The following PCDHA12 variants were observed in gnomAD, a reference collection of about 807,000 sequenced individuals.
PCDHA12 encodes protocadherin alpha-12.
Under a neutral mutation model 60.0 loss-of-function variants are expected in PCDHA12, and 44 were observed. That is an observed-to-expected ratio of 0.73 (90% CI 0.58 to 0.94). PCDHA12 has a LOEUF of 0.94. Among genes scored for constraint, PCDHA12 ranks in the 40% least tolerant of loss-of-function variants. The probability of loss-of-function intolerance (pLI) is 0.00; values close to 1 mark genes in which losing one functional copy is unlikely to be tolerated. For missense variants in PCDHA12, 1,276 were observed against 1,239.7 expected, an observed-to-expected ratio of 1.03 and a Z score of -0.44; for synonymous variants, 569 against 553.0, an observed-to-expected ratio of 1.03 and a Z score of -0.40.
intron 1 of PCDHA12, chr5:140,968,442 T>G (rs1245424149): frequency 3.1e-6 from 5 of 1,613,950 alleles, no homozygotes; most frequent in Non-Finnish European, 4.2e-6. Context: ...AGCCCACCAC[T>G]GAGCAGCACT....
chr5:140,953,476 G>A (rs1554220931), intron 1 of PCDHA12, among the ~76,000 whole-genome samples: 2 of 152,088 alleles, frequency 1.3e-5, no homozygotes. Flanking sequence ...ACTTCCTCAT[G>A]CTGTGTCACA....
intron 3 of PCDHA12, among the ~76,000 whole-genome samples, chr5:140,987,520 G>T (rs1221115195): frequency 2.0e-5 from 3 of 152,106 alleles, no homozygotes; most frequent in Non-Finnish European, 4.4e-5. Context: ...CTCAGTAATT[G>T]TATGTTCCTG....
At chr5:140,966,528 G>C in intron 1 of PCDHA12, 1 of 446,634 alleles carries the variant, frequency 2.2e-6, no homozygotes, top group Non-Finnish European at 3.9e-6. Context: ...AGCCGAGCCG[G>C]GTTGAGCGAC....
chr5:140,981,861 A>G (rs1554243465), intron 2 of PCDHA12, among the ~76,000 whole-genome samples: 1 of 152,126 alleles, frequency 6.6e-6, no homozygotes, highest in Non-Finnish European at 1.5e-5. Context: ...ACTCCCAGCA[A>G]TGTTTTATGC....
chr5:140,917,324 C>CGGGGGGG (rs1299895515), intron 1 of PCDHA12, among the ~76,000 whole-genome samples: 2 of 76,152 alleles, frequency 2.6e-5, no homozygotes, highest in African/African-American at 4.3e-5. Flanking sequence ...GTTCATGTGG[C>CGGGGGGG]GGGGGAGGGG....
intron 1 of PCDHA12, among the ~76,000 whole-genome samples, chr5:140,934,191 C>T (rs563342404): frequency 6.6e-6 from 1 of 152,224 alleles, no homozygotes; most frequent in African/African-American, 2.4e-5. Flanking sequence ...ACATACTTTT[C>T]ATTTCTATTT....
chr5:140,875,339 T>C lies in PCDHA12; in HGVS notation c.-134T>C. ...CAATCATTCACGGAATAGGATCGAC[T>C]CCATAATGACTGTGATGCTGGAAAA... On this transcript the variant is annotated 5_prime_UTR_variant, in exon 1 of 4. Transcript: ENST00000398631. 1.4e-6 allele frequency: 2 copies of C among 1,441,270 alleles called. No individual in the cohort carries two copies. Among genetic ancestry groups the C allele is most frequent in the Non-Finnish European group, 1.8e-6 (2 of 1,100,910 alleles). The allele number at this position is 1,441,270 out of a possible 1,614,324, so 89.3% of individuals were successfully genotyped here. A position where few individuals can be genotyped will look rare whatever the true frequency, so the allele number is the denominator to read the frequency against.
At chr5:140,995,510 G>A (rs1554254709) in intron 3 of PCDHA12, among the ~76,000 whole-genome samples, 1 of 152,142 alleles carries the variant, frequency 6.6e-6, no homozygotes, top group African/African-American at 2.4e-5. Flanking sequence ...GTGGGTAACT[G>A]AAGCCTCAGA....
intron 1 of PCDHA12, among the ~76,000 whole-genome samples, chr5:140,936,295 C>T (rs1482125698): frequency 1.3e-5 from 2 of 152,182 alleles, no homozygotes; most frequent in African/African-American, 4.8e-5. Context: ...TATAACATTG[C>T]TATCCAATAG....
chr5:140,901,249 C>T (rs1554189685), intron 1 of PCDHA12, among the ~76,000 whole-genome samples: 1 of 151,994 alleles, frequency 6.6e-6, no homozygotes, highest in Admixed American at 6.6e-5. Flanking sequence ...TCCTTTGGTT[C>T]CCTGTGATTG....
intron 1 of PCDHA12, chr5:140,967,882 C>T (rs1323816592): frequency 1.2e-6 from 2 of 1,614,108 alleles, no homozygotes. Context: ...ACCTGTATAG[C>T]CCAGTGCCTG....
intron 1 of PCDHA12, 129 bp downstream of exon 1, chr5:140,877,968 C>A: frequency 7.9e-7 from 1 of 1,272,970 alleles, no homozygotes; most frequent in Non-Finnish European, 1.0e-6. Context: ...CTTTCTTGGT[C>A]ATTCTTACTC....
intron 1 of PCDHA12, among the ~76,000 whole-genome samples, chr5:140,955,667 T>C (rs1485421057): frequency 6.6e-6 from 1 of 152,188 alleles, no homozygotes; most frequent in Admixed American, 6.5e-5. Flanking sequence ...AATTTTAACA[T>C]AGTTTTTTCG....
At chr5:140,921,134 C>G (rs2080042608) in intron 1 of PCDHA12, among the ~76,000 whole-genome samples, 1 of 111,400 alleles carries the variant, frequency 9.0e-6, no homozygotes, top group African/African-American at 3.7e-5. Flanking sequence ...GTGCACACCA[C>G]TACACCCAGC....
At chr5:140,981,207 T>C (rs1163326728) in intron 2 of PCDHA12, among the ~76,000 whole-genome samples, 1 of 152,230 alleles carries the variant, frequency 6.6e-6, no homozygotes, top group Non-Finnish European at 1.5e-5. Context: ...TTGCCTCATA[T>C]AACCCCTTTA....
At chr5:141,003,982 G>A (rs914206731) in intron 3 of PCDHA12, among the ~76,000 whole-genome samples, 25 of 152,152 alleles carry the variant, frequency 1.6e-4, no homozygotes, top group African/African-American at 5.6e-4. Flanking sequence ...GGGACTTGCC[G>A]GAGATCCTAG....
At chr5:140,883,244 G>C in intron 1 of PCDHA12, 3 of 1,614,014 alleles carry the variant, frequency 1.9e-6, no homozygotes, top group Non-Finnish European at 2.5e-6. Context: ...AGTTGACAAA[G>C]GAAATATTCC....
intron 1 of PCDHA12, among the ~76,000 whole-genome samples, chr5:140,895,524 G>A (rs891938988): frequency 2.3e-4 from 35 of 152,128 alleles, no homozygotes; most frequent in African/African-American, 7.2e-4. Context: ...TGGTTTATTC[G>A]TTTTTCAATT....
At chr5:141,001,314 T>A (rs34374778) in intron 3 of PCDHA12, among the ~76,000 whole-genome samples, 7,675 of 152,288 alleles carry the variant, frequency 0.05, 243 homozygotes, top group South Asian at 0.11. Flanking sequence ...TGAAATAATT[T>A]GCCAAACATC....
Sources: gnomAD v4.1 joint callset for allele counts (sites outside exome capture counted in the v4.1 genomes callset) on GRCh38, gnomAD v4.1.1 for gene constraint, MANE v1.5 for transcripts, NCBI Gene and HGNC (gene_info 2026-07-23, HGNC 2026-07-21) for gene names.